MOK: variants seen among roughly 807,000 people sequenced by gnomAD.
MOK encodes the protein MAPK/MAK/MRK overlapping kinase.
A neutral mutation model predicts 54.2 loss-of-function variants in MOK; 59 were observed. That is an observed-to-expected ratio of 1.09 (90% CI 0.88 to 1.35). The LOEUF is 1.35. Ranked by LOEUF, MOK falls within the 40% of genes most tolerant of loss-of-function variation. The probability of loss-of-function intolerance (pLI) is 0.00; values close to 1 mark genes in which losing one functional copy is unlikely to be tolerated. For missense variants in MOK, 517 were observed against 526.2 expected, an observed-to-expected ratio of 0.98 and a Z score of 0.17; for synonymous variants, 210 against 202.7, an observed-to-expected ratio of 1.04 and a Z score of -0.31.
At chr14:102,222,100 G>A (rs544392495), downstream of MOK, among the ~76,000 whole-genome samples, 9 of 101,082 alleles carry the variant, frequency 8.9e-5, no homozygotes, top group East Asian at 9.1e-4. The surrounding 1 kb of genome is among the most constrained non-coding windows in gnomAD (Gnocchi z 4.4). Context: ...CCCCGCCCCC[G>A]ACAGTGAGCC....
chr14:102,281,507 A>G (rs1315324723), intron 2 of MOK, among the ~76,000 whole-genome samples: 3 of 151,228 alleles, frequency 2.0e-5, no homozygotes, highest in African/African-American at 4.9e-5. Context: ...TCAAAAAAAA[A>G]AAAAAAAAAG....
intron 1 of MOK, among the ~76,000 whole-genome samples, chr14:102,293,283 G>A (rs2070973629): frequency 6.6e-6 from 1 of 152,182 alleles, no homozygotes; most frequent in Non-Finnish European, 1.5e-5. Flanking sequence ...GAAATATTAT[G>A]TAACCATTGA....
rs1266095451 is a variant in MOK, at chr14:102,238,986, T to A, written c.591-5197A>T. Among the ~76,000 whole-genome samples the A allele has an allele frequency of 6.6e-6, 1 of 152,190 alleles. No homozygotes were observed. Among genetic ancestry groups the A allele is most frequent in the African/African-American group, 2.4e-5 (1 of 41,440 alleles). The stretch of plus-strand genomic sequence containing the variant: ...AACACAAGACTACTTCTCACTCTTA[T>A]AGACATCTTCTCTGGGTGGGTGGAG... On this transcript the variant is annotated intron_variant, in intron 7 of 11. Coordinates refer to ENST00000361847, the MANE Select transcript of MOK (RefSeq NM_014226.3). This position sits in a 1 kb window ranked among gnomAD's most constrained non-coding sequence, Gnocchi z 4.8.
intron 1 of MOK, among the ~76,000 whole-genome samples, chr14:102,301,161 C>T (rs1171890018): frequency 6.6e-6 from 1 of 152,152 alleles, no homozygotes; most frequent in South Asian, 2.1e-4. Context: ...GCATGAGAGA[C>T]TTCCAGTAAG....
At chr14:102,218,758 G>A in the MOK span, among the ~76,000 whole-genome samples, 60 of 152,308 alleles carry the variant, frequency 3.9e-4, no homozygotes, top group African/African-American at 1.3e-3. Flanking sequence ...TTCCTCTCAC[G>A]GTGTGGGGGC....
intron 2 of MOK, among the ~76,000 whole-genome samples, chr14:102,276,223 G>T (rs989027317): frequency 1.9e-4 from 29 of 152,148 alleles, no homozygotes; most frequent in African/African-American, 7.0e-4. Context: ...GGTGGCTCAC[G>T]CCTGTAATCC....
Position 102,245,077 on chromosome 14 carries a change from T to C in MOK, c.590+5735A>G, listed in dbSNP as rs532669337. Among the ~76,000 whole-genome samples, 1 of 152,292 alleles carries C rather than the reference T, an allele frequency of 6.6e-6. No individual in the cohort carries two copies. Among genetic ancestry groups the C allele is most frequent in the African/African-American group, 2.4e-5 (1 of 41,550 alleles). Reference sequence around the variant, plus strand: ...GTCCTCCCAATTCTTAGTCCTTTAATACCTGTTTTTCTCCTTCTCTTATTT... The same window carrying C: ...GTCCTCCCAATTCTTAGTCCTTTAACACCTGTTTTTCTCCTTCTCTTATTT... On this transcript the variant is annotated intron_variant, in intron 7 of 11. Coordinates refer to ENST00000361847, the MANE Select transcript of MOK (RefSeq NM_014226.3). This position sits in a 1 kb window ranked among gnomAD's most constrained non-coding sequence, Gnocchi z 4.3.
At position 102,232,626 on chromosome 14, in the gene MOK, G is replaced by A. The variant is rs1387286871; in HGVS notation, c.775C>T (p.Leu259Phe). The A allele has an allele frequency of 6.2e-7, 1 of 1,614,060 alleles. No homozygotes were observed. The highest frequency in any genetic ancestry group is 2.2e-5 in the East Asian group (1 of 44,886). Residue 259 changes from leucine to phenylalanine, a missense_variant, in exon 9 of 12, where the codon CTC becomes TTC. By Grantham distance (22) the Leu-to-Phe change is conservative. Coordinates refer to ENST00000361847, the MANE Select transcript of MOK (RefSeq NM_014226.3). The surrounding 1 kb of genome is among the most constrained non-coding windows in gnomAD (Gnocchi z 5.1). ...GCCACCATTGCGTGCAGGAGGGAGA[G>A]GCATTGTGGGGACAAATTGGTTGTT... ...LLTTNLSPQC[L>F]SLLHAMVAYD...
At chr14:102,260,399 G>A (rs546930656) in intron 4 of MOK, among the ~76,000 whole-genome samples, 6 of 152,098 alleles carry the variant, frequency 3.9e-5, no homozygotes, top group African/African-American at 7.2e-5. Context: ...AGGTTAAAAT[G>A]AGTTAATTCC....
Position 102,233,670 on chromosome 14 carries a change from T to G in MOK, c.692+18A>C. ...CAGGGGAGTGGGTCCACATCCACTC[T>G]CAGAACACAATACTTACTGTTTGAA... On this transcript the variant is annotated intron_variant, in intron 8 of 11. Transcript: ENST00000361847. The G allele has an allele frequency of 6.2e-7, 1 of 1,603,348 alleles. No individual in the cohort carries two copies. Among genetic ancestry groups the G allele is most frequent in the Non-Finnish European group, 8.5e-7 (1 of 1,170,276 alleles).
chr14:102,235,648 G>A lies in MOK; in HGVS notation c.591-1859C>T, dbSNP rs1454227067. ...AAAACTCAAAGGAATCTCCCAAAAG[G>A]CCAATGAAAACCCTGCCCAATTCCT... On this transcript the variant is annotated intron_variant, in intron 7 of 11. Coordinates refer to ENST00000361847, the MANE Select transcript of MOK (RefSeq NM_014226.3). This position sits in a 1 kb window ranked among gnomAD's most constrained non-coding sequence, Gnocchi z 4.4. 1.3e-5 allele frequency: 2 copies of A among 152,150 alleles called. No individual in the cohort carries two copies. The highest frequency in any genetic ancestry group is 1.3e-4 in the Admixed American group (2 of 15,282). The allele number at this position is 152,150 out of a possible 1,614,324, so 9.4% of individuals were successfully genotyped here. A position where few individuals can be genotyped will look rare whatever the true frequency, so the allele number is the denominator to read the frequency against.
At chr14:102,225,597 A>G (rs1298724153), downstream of MOK, 1 of 152,592 alleles carries the variant, frequency 6.6e-6, no homozygotes, top group Non-Finnish European at 1.5e-5. Context: ...CTGGTTCTGG[A>G]ATGCAGTTTG....
At chr14:102,250,699 C>G in intron 7 of MOK, 113 bp downstream of exon 7, 1 of 1,093,616 alleles carries the variant, frequency 9.1e-7, no homozygotes, top group Non-Finnish European at 1.3e-6. Flanking sequence ...AACAGTAAAA[C>G]AGAAAGAAAA....
chr14:102,261,744 C>T (rs1246968518), intron 4 of MOK, among the ~76,000 whole-genome samples: 4 of 151,092 alleles, frequency 2.6e-5, no homozygotes, highest in Non-Finnish European at 4.4e-5. Flanking sequence ...GCCATATTGG[C>T]CAGGTTGGTC....
Position 102,231,583 on chromosome 14 carries a change from C to T in MOK, c.981+124G>A, listed in dbSNP as rs537768500. 3.5e-4 allele frequency: 275 copies of T among 788,670 alleles called. 1 individual carries two copies. Among genetic ancestry groups the T allele is most frequent in the Non-Finnish European group, 5.2e-4 (246 of 469,226 alleles). The allele number at this position is 788,670 out of a possible 1,614,324, so 48.9% of individuals were successfully genotyped here. ...ATCAACTCGCATGCTGTTCAGGCCTCGACTGACAATGTGGTCTGCCACAGC... is the reference window on the plus strand; with the variant it reads ...ATCAACTCGCATGCTGTTCAGGCCTTGACTGACAATGTGGTCTGCCACAGC... On this transcript the variant is annotated intron_variant, in intron 10 of 11. Coordinates refer to ENST00000361847, the MANE Select transcript of MOK (RefSeq NM_014226.3). This position sits in a 1 kb window ranked among gnomAD's most constrained non-coding sequence, Gnocchi z 4.4.
downstream of MOK, among the ~76,000 whole-genome samples, chr14:102,224,256 G>A (rs543243097): frequency 4.7e-4 from 72 of 152,026 alleles, no homozygotes; most frequent in Admixed American, 1.1e-3. Flanking sequence ...TAGCCAGGAT[G>A]GTCTCGATCT....
chr14:102,276,727 G>A (rs188187180), intron 2 of MOK, among the ~76,000 whole-genome samples: 1 of 151,014 alleles, frequency 6.6e-6, no homozygotes, highest in Non-Finnish European at 1.5e-5. Flanking sequence ...GGAGGCGGAG[G>A]TTGTGGTGAG....
At chr14:102,292,272 G>C (rs1253508358) in intron 1 of MOK, among the ~76,000 whole-genome samples, 1 of 151,958 alleles carries the variant, frequency 6.6e-6, no homozygotes, top group African/African-American at 2.4e-5. Flanking sequence ...AGGAGATCGA[G>C]ACCATCCTGG....
At chr14:102,263,521 T>C (rs1338224489) in intron 4 of MOK, 25 bp downstream of exon 4, 1 of 1,517,742 alleles carries the variant, frequency 6.6e-7, no homozygotes, top group African/African-American at 1.4e-5. Flanking sequence ...GGATCTTAGG[T>C]TAGCTTTCAA....
Sources: allele counts gnomAD v4.1 joint callset (sites outside exome capture counted in the v4.1 genomes callset), GRCh38; gene constraint gnomAD v4.1.1; non-coding constraint Gnocchi (gnomAD v3.1); transcripts MANE v1.5; gene names NCBI Gene and HGNC (gene_info 2026-07-23, HGNC 2026-07-21).